UBXN8: variants seen among roughly 807,000 people sequenced by gnomAD.
UBXN8 encodes UBX domain protein 8.
UBXN8 carries 27 observed loss-of-function variants against 32.1 expected under a neutral mutation model. The ratio of observed to expected loss-of-function variants is 0.84; its 90% CI spans 0.62 to 1.16. The LOEUF is 1.16. UBXN8 is among the 50% of genes most tolerant of loss of function. The probability of loss-of-function intolerance (pLI) is 0.00; values close to 1 mark genes in which losing one functional copy is unlikely to be tolerated. For synonymous variants in UBXN8, 109 were observed against 111.8 expected, an observed-to-expected ratio of 0.98 and a Z score of 0.16; for missense variants, 306 against 311.4, an observed-to-expected ratio of 0.98 and a Z score of 0.13.
chr8:30,761,348 G>T (rs1198300704), intron 6 of UBXN8, among the ~76,000 whole-genome samples: 2 of 151,984 alleles, frequency 1.3e-5, no homozygotes, highest in African/African-American at 4.8e-5. Context: ...GAGTTCAAGT[G>T]ATTCTCCTGC....
intron 1 of UBXN8, chr8:30,733,430 A>G (rs1200489005): frequency 6.6e-6 from 1 of 152,260 alleles, no homozygotes; most frequent in African/African-American, 2.4e-5. Flanking sequence ...AATATCAACA[A>G]GAAATCTTGC....
chr8:30,745,839 C>G (rs1251187093), intron 1 of UBXN8, among the ~76,000 whole-genome samples: 2 of 152,242 alleles, frequency 1.3e-5, no homozygotes, highest in East Asian at 1.9e-4. Context: ...GCCTGGACTT[C>G]CCGGCTCAAG....
upstream of UBXN8, among the ~76,000 whole-genome samples, chr8:30,741,866 G>C (rs118055026): frequency 9.7e-4 from 147 of 152,304 alleles, no homozygotes; most frequent in Non-Finnish European, 1.8e-3. Context: ...AAACAACAAA[G>C]TTTGGGAAAT....
chr8:30,732,395 C>T (rs913854078), upstream of UBXN8: 26 of 381,916 alleles, frequency 6.8e-5, no homozygotes, highest in African/African-American at 3.2e-4. Context: ...ATTTACTATC[C>T]GACGGGGAGT....
intron 1 of UBXN8, among the ~76,000 whole-genome samples, chr8:30,749,648 C>T (rs1328411497): frequency 6.7e-6 from 1 of 149,782 alleles, no homozygotes; most frequent in Non-Finnish European, 1.5e-5. Flanking sequence ...CTCTGTCGCC[C>T]AGGCTGGAGT....
chr8:30,737,286 A>G (rs1329731865), intron 1 of UBXN8, among the ~76,000 whole-genome samples: 2 of 152,068 alleles, frequency 1.3e-5, no homozygotes, highest in Non-Finnish European at 2.9e-5. Flanking sequence ...CTGTTGGGAA[A>G]TCACTCTTAC....
intron 3 of UBXN8, 108 bp downstream of exon 3, chr8:30,753,213 T>A (rs2128754536): frequency 7.6e-7 from 1 of 1,321,402 alleles, no homozygotes. Flanking sequence ...TTTTAAAAAA[T>A]ATATAATGAG....
rs1480760307 is a variant in UBXN8, at chr8:30,766,319, A to G, written c.738A>G (p.Gly246=). 1.9e-6 allele frequency: 3 copies of G among 1,613,796 alleles called. No individual in the cohort carries two copies. The highest frequency in any genetic ancestry group is 1.7e-6 in the Non-Finnish European group (2 of 1,179,784). Residue 246 remains glycine, a synonymous_variant, in exon 8 of 8, where the codon GGA becomes GGG. Transcript: ENST00000265616. The part of the protein sequence containing the change: ...SFPRRPLAVE[G]GQSLEDIGIT... ...CCAGACGGCCTCTGGCAGTGGAGGG[A>G]GGCCAGTCGCTGGAGGACATAGGAA...
At chr8:30,764,234 G>A (rs772154072) in intron 7 of UBXN8, among the ~76,000 whole-genome samples, 8 of 152,182 alleles carry the variant, frequency 5.3e-5, no homozygotes, top group Admixed American at 1.3e-4. Context: ...GCTATAAACC[G>A]TAATGGAAAA....
At chr8:30,751,085 C>G (rs927309517) in intron 1 of UBXN8, among the ~76,000 whole-genome samples, 1 of 152,132 alleles carries the variant, frequency 6.6e-6, no homozygotes, top group Non-Finnish European at 1.5e-5. Flanking sequence ...CTCAGGAGTC[C>G]TGGAACCAAT....
upstream of UBXN8, among the ~76,000 whole-genome samples, chr8:30,729,954 T>C (rs1340345398): frequency 6.6e-6 from 1 of 152,032 alleles, no homozygotes; most frequent in Non-Finnish European, 1.5e-5. Context: ...AGGATCCCGC[T>C]CCACCCACCG....
At position 30,753,771 on chromosome 8, in the gene UBXN8, CTT is replaced by C. The variant is rs748807226; in HGVS notation, c.282+684_282+685del. On this transcript the variant is annotated intron_variant, in intron 3 of 7. Transcript: ENST00000265616. ...AATATTCCATTGAATAGATATACCA[CTT>C]TTTTTTTTTTTTTTTTTGAGACTGG... Among the ~76,000 whole-genome samples the C allele has an allele frequency of 6.5e-5, 8 of 122,602 alleles. No homozygotes were observed. In the South Asian group the frequency reaches 9.7e-4, roughly 15 times the overall value. The allele number at this position is 122,602 out of a possible 152,430, so 80.4% of individuals were successfully genotyped here. A position where few individuals can be genotyped will look rare whatever the true frequency, so the allele number is the denominator to read the frequency against.
In UBXN8 at chr8:30,766,553, C is replaced by A; in HGVS notation, c.*159C>A. The stretch of plus-strand genomic sequence containing the variant: ...TGGGAATAGGATTAGAAAAGGATTG[C>A]TTTCTATATATAATAATCTGTGGAC... On this transcript the variant is annotated 3_prime_UTR_variant, in exon 8 of 8. Transcript: ENST00000265616. 1 of 700,494 alleles carries A rather than the reference C, an allele frequency of 1.4e-6. No individual in the cohort carries two copies. The highest frequency in any genetic ancestry group is 2.1e-6 in the Non-Finnish European group (1 of 468,296). The allele number at this position is 700,494 out of a possible 1,614,324, so 43.4% of individuals were successfully genotyped here.
At chr8:30,732,700 A>T in exon 1 of UBXN8, 1 of 149,748 alleles carries the variant, frequency 6.7e-6, no homozygotes, top group Non-Finnish European at 1.4e-5. Flanking sequence ...TGTCAGAGAG[A>T]GAAAAGATGG....
rs573773502 is a variant in UBXN8, at chr8:30,758,192, A to G, written c.528+1305A>G. Among the ~76,000 whole-genome samples the G allele has an allele frequency of 1.2e-4, 19 of 152,324 alleles. No homozygotes were observed. In the South Asian group the frequency reaches 1.7e-3, roughly 13 times the overall value. ...ATTACAGGCGTGAGCCACTGCGCCC[A>G]GCCGAAAATACTCAATTCTTTTTAA... On this transcript the variant is annotated intron_variant, in intron 5 of 7. Transcript: ENST00000265616.
At chr8:30,747,185 AT>A (rs1029643384) in intron 1 of UBXN8, among the ~76,000 whole-genome samples, 3 of 139,182 alleles carry the variant, frequency 2.2e-5, no homozygotes, top group Non-Finnish European at 4.6e-5. Flanking sequence ...AAACCTTAAA[AT>A]TTTTTTTCTT....
chr8:30,756,846 A>T lies in UBXN8; in HGVS notation c.487A>T (p.Thr163Ser). 6.2e-7 allele frequency: 1 copy of T among 1,614,006 alleles called. No individual in the cohort carries two copies. The highest frequency in any genetic ancestry group is 1.1e-5 in the South Asian group (1 of 91,082). The change falls in exon 5 of 8, where the codon ACT becomes TCT. Residue 163 changes from threonine (T) to serine (S), a missense_variant. Physicochemically the swap from Thr to Ser is moderately conservative, Grantham distance 58 (BLOSUM62 1). Transcript: ENST00000265616. ...GAGCCAGAACTTGCCTAAACCTTTA[A>T]CTGAATTTCCGTCTCCTGCTGAACA... The part of the protein sequence containing the change: ...AKSQNLPKPL[T>S]EFPSPAEQPT...
intron 1 of UBXN8, among the ~76,000 whole-genome samples, chr8:30,750,318 A>G (rs1177189210): frequency 6.6e-6 from 1 of 152,114 alleles, no homozygotes; most frequent in Non-Finnish European, 1.5e-5. Flanking sequence ...CAAAAAATAC[A>G]GAAATTAGCC....
chr8:30,747,396 C>G (rs758934679), intron 1 of UBXN8, among the ~76,000 whole-genome samples: 4 of 131,452 alleles, frequency 3.0e-5, no homozygotes, highest in Non-Finnish European at 6.4e-5. Context: ...CTGCAACCTC[C>G]GCCTCCCAGG....
Sources: gnomAD v4.1 joint callset for allele counts (sites outside exome capture counted in the v4.1 genomes callset) on GRCh38, gnomAD v4.1.1 for gene constraint, MANE v1.5 for transcripts, NCBI Gene and HGNC (gene_info 2026-07-23, HGNC 2026-07-21) for gene names.